Variants in GLIS3 observed in about 807,000 individuals in gnomAD.
The protein encoded by GLIS3 is zinc finger protein GLIS3.
A neutral mutation model predicts 78.6 loss-of-function variants in GLIS3; 53 were observed. The observed-to-expected ratio is 0.67, with a 90% CI of 0.54 to 0.85. The LOEUF is 0.85. Among genes scored for constraint, GLIS3 ranks in the 40% least tolerant of loss-of-function variants. GLIS3 has a pLI of 0.00. For synonymous variants in GLIS3, 684 were observed against 509.9 expected, an observed-to-expected ratio of 1.34 and a Z score of -4.60; for missense variants, 1,703 against 1,231.1, an observed-to-expected ratio of 1.38 and a Z score of -5.74.
At chr9:3,905,139 A>ATTTT in intron 6 of GLIS3, among the ~76,000 whole-genome samples, 1 of 38,486 alleles carries the variant, frequency 2.6e-5, no homozygotes, top group Non-Finnish European at 5.4e-5. Flanking sequence ...CGCCCGGTTA[A>ATTTT]ATTTTTTTCT....
the GLIS3 span, among the ~76,000 whole-genome samples, chr9:4,405,569 T>C: frequency 1.3e-5 from 2 of 152,160 alleles, no homozygotes; most frequent in South Asian, 4.2e-4. Context: ...AGTAACAATA[T>C]TGAGGCTGTA....
chr9:4,015,201 G>A (rs1182603199), intron 4 of GLIS3, among the ~76,000 whole-genome samples: 1 of 152,194 alleles, frequency 6.6e-6, no homozygotes, highest in African/African-American at 2.4e-5. Context: ...ACCATGGCAT[G>A]GAAGGCCGTG....
chr9:4,016,289 G>A (rs1271238433), intron 4 of GLIS3, among the ~76,000 whole-genome samples: 1 of 152,154 alleles, frequency 6.6e-6, no homozygotes, highest in African/African-American at 2.4e-5. Context: ...GTCTAACCAT[G>A]AAGTCAGGAA....
intron 4 of GLIS3, among the ~76,000 whole-genome samples, chr9:4,017,413 G>T (rs1381306720): frequency 6.6e-6 from 1 of 152,162 alleles, no homozygotes; most frequent in Non-Finnish European, 1.5e-5. Flanking sequence ...TGTCCAAGAA[G>T]TTGGCAATCT....
At chr9:4,082,966 T>G (rs1456298094) in intron 4 of GLIS3, among the ~76,000 whole-genome samples, 1 of 152,206 alleles carries the variant, frequency 6.6e-6, no homozygotes, top group Non-Finnish European at 1.5e-5. Flanking sequence ...GGTAACTAGC[T>G]GTAATTTAGT....
At chr9:4,372,540 C>A in the GLIS3 span, among the ~76,000 whole-genome samples, 1 of 125,488 alleles carries the variant, frequency 8.0e-6, no homozygotes, top group South Asian at 2.9e-4. Context: ...CTCCTCTGCA[C>A]AGTGACCCTC....
At chr9:4,318,060 C>T (rs1817466872) in intron 2 of GLIS3, among the ~76,000 whole-genome samples, 1 of 152,068 alleles carries the variant, frequency 6.6e-6, no homozygotes, top group Non-Finnish European at 1.5e-5. Flanking sequence ...TGAGGAATGT[C>T]AAAGTAAGTT....
At chr9:3,900,486 C>T (rs913716035) in intron 6 of GLIS3, among the ~76,000 whole-genome samples, 1 of 1,754 alleles carries the variant, frequency 5.7e-4, no homozygotes, top group Non-Finnish European at 4.0e-3. Context: ...AGATTTGTAC[C>T]CCCCCCAAAA....
At chr9:3,982,623 A>G (rs188684915) in intron 4 of GLIS3, among the ~76,000 whole-genome samples, 2 of 152,338 alleles carry the variant, frequency 1.3e-5, no homozygotes, top group East Asian at 3.9e-4. Flanking sequence ...AGTGAAAACT[A>G]ATACATTTAT....
chr9:4,085,154 C>A (rs934651067), intron 4 of GLIS3, among the ~76,000 whole-genome samples: 5 of 152,074 alleles, frequency 3.3e-5, no homozygotes, highest in African/African-American at 1.2e-4. Context: ...TCAAGTAAAG[C>A]AATGGTCAGA....
intron 7 of GLIS3, among the ~76,000 whole-genome samples, chr9:3,894,198 A>ATGCAAGTAAT (rs1822659792): frequency 6.6e-6 from 1 of 152,218 alleles, no homozygotes; most frequent in Non-Finnish European, 1.5e-5. Flanking sequence ...TTTGAAGTTA[A>ATGCAAGTAAT]TGCAAGTAAT....
chr9:4,407,368 G>C, the GLIS3 span, among the ~76,000 whole-genome samples: 2 of 152,182 alleles, frequency 1.3e-5, no homozygotes, highest in Non-Finnish European at 2.9e-5. Flanking sequence ...AAAACTGACC[G>C]GGCAAGGTGG....
intron 2 of GLIS3, among the ~76,000 whole-genome samples, chr9:4,263,024 G>A (rs1030313935): frequency 6.6e-6 from 1 of 151,860 alleles, no homozygotes; most frequent in African/African-American, 2.4e-5. Flanking sequence ...TTGGAAAAAG[G>A]CAAGGCTAGA....
At chr9:4,305,565 A>G in intron 4 of GLIS3, 1 of 152,236 alleles carries the variant, frequency 6.6e-6, no homozygotes, top group East Asian at 1.9e-4. Context: ...TGAATGGCTC[A>G]TAAATCTGGG....
intron 4 of GLIS3, among the ~76,000 whole-genome samples, chr9:4,035,430 A>G (rs763804915): frequency 6.7e-6 from 1 of 148,290 alleles, no homozygotes; most frequent in Non-Finnish European, 1.5e-5. Context: ...GCTACCTCTC[A>G]CCTATCTCGT....
the GLIS3 span, among the ~76,000 whole-genome samples, chr9:4,376,901 G>C: frequency 7.4e-6 from 1 of 134,424 alleles, no homozygotes; most frequent in African/African-American, 2.6e-5. Context: ...CGTGTTCTTT[G>C]AGCCACTGAT....
chr9:4,015,750 G>A lies in GLIS3; in HGVS notation c.1711-78561C>T, dbSNP rs1281453081. Among the ~76,000 whole-genome samples, 4 of 152,122 alleles carry A rather than the reference G, an allele frequency of 2.6e-5. No homozygotes were observed. In the East Asian group the frequency reaches 7.8e-4, roughly 29 times the overall value. On this transcript the variant is annotated intron_variant, in intron 4 of 10. Coordinates refer to ENST00000381971, the MANE Select transcript of GLIS3 (RefSeq NM_001042413.2). Reference sequence around the variant, plus strand: ...TAAAAATACAAAGTATTAGTCGAGAGTGGTGGCGGGCGCCTGTAATCCCAG... The same window carrying A: ...TAAAAATACAAAGTATTAGTCGAGAATGGTGGCGGGCGCCTGTAATCCCAG...
chr9:4,295,517 C>G lies in GLIS3; in HGVS notation c.-99+3904G>C, dbSNP rs533665746. On this transcript the variant is annotated intron_variant, in intron 1 of 10. Coordinates refer to ENST00000381971, the MANE Select transcript of GLIS3 (RefSeq NM_001042413.2). Reference sequence around the variant, plus strand: ...TGTGTTGAGCGAAAGAAGCCAGACCCAAGAGTGCATATTGAATTATTCCAT... The same window carrying G: ...TGTGTTGAGCGAAAGAAGCCAGACCGAAGAGTGCATATTGAATTATTCCAT... Among the ~76,000 whole-genome samples the G allele has an allele frequency of 2.0e-5, 3 of 152,108 alleles. No individual in the cohort carries two copies. In the South Asian group the frequency reaches 6.2e-4, roughly 32 times the overall value.
intron 2 of GLIS3, among the ~76,000 whole-genome samples, chr9:4,218,063 T>C (rs761586314): frequency 6.6e-6 from 1 of 152,194 alleles, no homozygotes; most frequent in African/African-American, 2.4e-5. Context: ...CAAGTGGATC[T>C]CCTTATTCAC....
Sources: gnomAD v4.1 joint callset for allele counts (sites outside exome capture counted in the v4.1 genomes callset) on GRCh38, gnomAD v4.1.1 for gene constraint, MANE v1.5 for transcripts, NCBI Gene and HGNC (gene_info 2026-07-23, HGNC 2026-07-21) for gene names.